Variants in GDAP1 observed in about 807,000 individuals in gnomAD.
GDAP1 encodes ganglioside-induced differentiation-associated protein 1.
Under a neutral mutation model 40.1 loss-of-function variants are expected in GDAP1, and 34 were observed. The observed-to-expected ratio is 0.85, with a 90% CI of 0.64 to 1.13. The LOEUF is 1.13. GDAP1 is among the 50% of genes most tolerant of loss of function. The probability of loss-of-function intolerance (pLI) is 0.00; values close to 1 mark genes in which losing one functional copy is unlikely to be tolerated. For missense variants in GDAP1, 374 were observed against 433.7 expected, an observed-to-expected ratio of 0.86 and a Z score of 1.22; for synonymous variants, 170 against 157.4, an observed-to-expected ratio of 1.08 and a Z score of -0.60.
chr8:74,351,123 A>C, intron 1 of GDAP1, 151 bp from the exon 2 acceptor site: 2 of 729,224 alleles, frequency 2.7e-6, no homozygotes, highest in South Asian at 2.9e-5. Context: ...TTCTTTCCTT[A>C]CTTGTTAATT....
At chr8:74,442,815 A>G (rs1381904308) in intron 2 of GDAP1, among the ~76,000 whole-genome samples, 1 of 152,224 alleles carries the variant, frequency 6.6e-6, no homozygotes, top group Non-Finnish European at 1.5e-5. Flanking sequence ...CAAAGGTTCA[A>G]AATGCTTGGA....
intron 2 of GDAP1, among the ~76,000 whole-genome samples, chr8:74,402,267 C>T (rs923693821): frequency 4.7e-5 from 7 of 150,460 alleles, no homozygotes; most frequent in Non-Finnish European, 1.0e-4. Flanking sequence ...GGCGGGCGCC[C>T]CTCCCCCAGC....
intron 2 of GDAP1, among the ~76,000 whole-genome samples, chr8:74,435,998 A>G (rs980530492): frequency 2.0e-5 from 3 of 152,226 alleles, no homozygotes; most frequent in African/African-American, 7.2e-5. Context: ...TTGAAAATGC[A>G]TCCTGTTGTG....
At chr8:74,456,515 C>T (rs112604568) in intron 2 of GDAP1, among the ~76,000 whole-genome samples, 5 of 151,926 alleles carry the variant, frequency 3.3e-5, no homozygotes, top group African/African-American at 4.8e-5. Context: ...TAGAAAAATT[C>T]GTTTTGGCTT....
intron 2 of GDAP1, among the ~76,000 whole-genome samples, chr8:74,485,763 C>G (rs2128721967): frequency 6.6e-6 from 1 of 151,626 alleles, no homozygotes; most frequent in East Asian, 1.9e-4. Context: ...ACTGAGGAAA[C>G]CACCTTGAAT....
At chr8:74,433,085 C>G (rs906931543) in intron 2 of GDAP1, among the ~76,000 whole-genome samples, 1 of 152,190 alleles carries the variant, frequency 6.6e-6, no homozygotes, top group African/African-American at 2.4e-5. Context: ...CTGCAAGGCT[C>G]TGCTTCCAGA....
chr8:74,420,186 A>G (rs1805837435), intron 2 of GDAP1, among the ~76,000 whole-genome samples: 1 of 152,132 alleles, frequency 6.6e-6, no homozygotes, highest in African/African-American at 2.4e-5. Context: ...TTATTTCTGC[A>G]AGAAAAGGCT....
At position 74,463,477 on chromosome 8, in the gene GDAP1, A is replaced by G. The variant is rs984990250; in HGVS notation, c.166-25201A>G. Among the ~76,000 whole-genome samples the G allele has an allele frequency of 5.9e-5, 9 of 151,630 alleles. No homozygotes were observed. In the East Asian group the frequency reaches 1.8e-3, roughly 30 times the overall value. On this transcript the variant is annotated intron_variant, in intron 2 of 2. Transcript: ENST00000523640. Reference sequence around the variant, plus strand: ...CCCTGTCTCAAAAAAAAAAACAAAAATAGTATTTTAACAGAGGTGCTACAC... The same window carrying G: ...CCCTGTCTCAAAAAAAAAAACAAAAGTAGTATTTTAACAGAGGTGCTACAC...
chr8:74,470,989 C>A (rs1806545839), intron 2 of GDAP1, among the ~76,000 whole-genome samples: 1 of 152,196 alleles, frequency 6.6e-6, no homozygotes, highest in Admixed American at 6.5e-5. Flanking sequence ...ATTTGCATTT[C>A]TCTTATGGCC....
At chr8:74,377,911 T>C (rs1006907822) in intron 2 of GDAP1, among the ~76,000 whole-genome samples, 9 of 152,212 alleles carry the variant, frequency 5.9e-5, no homozygotes, top group African/African-American at 1.7e-4. Context: ...CAAACTGTTC[T>C]ATTCATACAG....
At chr8:74,353,528 A>T (rs962300769) in intron 2 of GDAP1, among the ~76,000 whole-genome samples, 3 of 152,228 alleles carry the variant, frequency 2.0e-5, no homozygotes, top group African/African-American at 7.2e-5. Context: ...TATAATTAAG[A>T]TGCTTTATCT....
At chr8:74,449,879 T>C (rs954912681) in intron 2 of GDAP1, among the ~76,000 whole-genome samples, 1 of 151,814 alleles carries the variant, frequency 6.6e-6, no homozygotes, top group Admixed American at 6.6e-5. Flanking sequence ...AATAAATGAG[T>C]GTTAAATGGT....
intron 2 of GDAP1, among the ~76,000 whole-genome samples, chr8:74,470,097 G>T (rs1205584409): frequency 5.3e-5 from 8 of 152,048 alleles, no homozygotes; most frequent in African/African-American, 1.9e-4. Flanking sequence ...ATATTACTCT[G>T]TTTAGGTTTT....
chr8:74,351,987 T>C (rs1346358713), intron 2 of GDAP1, among the ~76,000 whole-genome samples: 1 of 152,214 alleles, frequency 6.6e-6, no homozygotes, highest in African/African-American at 2.4e-5. Flanking sequence ...TGCATTTAGG[T>C]AAATCATTTA....
At chr8:74,432,017 A>C (rs190197165) in intron 2 of GDAP1, among the ~76,000 whole-genome samples, 2 of 152,338 alleles carry the variant, frequency 1.3e-5, no homozygotes, top group Non-Finnish European at 2.9e-5. Flanking sequence ...GTCACACGGT[A>C]AGCAACAATA....
intron 2 of GDAP1, among the ~76,000 whole-genome samples, chr8:74,419,370 A>G (rs1009412199): frequency 6.6e-6 from 1 of 152,212 alleles, no homozygotes; most frequent in Admixed American, 6.5e-5. Flanking sequence ...GATACATGCA[A>G]CAACTTGGAG....
At chr8:74,373,236 G>A (rs918315848) in intron 2 of GDAP1, among the ~76,000 whole-genome samples, 6 of 152,070 alleles carry the variant, frequency 3.9e-5, no homozygotes, top group African/African-American at 1.2e-4. Context: ...ACTTGGCAAT[G>A]CAGGCTCTTT....
chr8:74,471,073 C>A (rs1461854188), intron 2 of GDAP1, among the ~76,000 whole-genome samples: 1 of 152,096 alleles, frequency 6.6e-6, no homozygotes. Context: ...CTGTTCATAT[C>A]CTTCACCCAC....
In GDAP1 at chr8:74,433,355, T is replaced by C. The variant is rs115879435; in HGVS notation, c.166-55323T>C. 9.5e-3 allele frequency among the ~76,000 whole-genome samples: 1,453 copies of C among 152,330 alleles called. 27 individuals are homozygous for C. Among genetic ancestry groups the C allele is most frequent in the African/African-American group, 0.033 (1,386 of 41,572 alleles). On this transcript the variant is annotated intron_variant, in intron 2 of 2. Coordinates refer to the GDAP1 transcript ENST00000523640. Reference sequence around the variant, plus strand: ...ATTAAAAGTTCCACGAGGGCAGGGATCATTTGGTCTTGTTTAATACTACAT... The same window carrying C: ...ATTAAAAGTTCCACGAGGGCAGGGACCATTTGGTCTTGTTTAATACTACAT...
Sources: allele counts gnomAD v4.1 joint callset (sites outside exome capture counted in the v4.1 genomes callset), GRCh38; gene constraint gnomAD v4.1.1; transcripts MANE v1.5; gene names NCBI Gene and HGNC (gene_info 2026-07-23, HGNC 2026-07-21).